The following APOLD1 variants were observed in gnomAD, a reference collection of about 807,000 sequenced individuals.
The protein encoded by APOLD1 is apolipoprotein L domain-containing protein 1.
In APOLD1, 22 loss-of-function variants were observed where a neutral mutation model predicts 15.3. That is an observed-to-expected ratio of 1.44 (90% confidence interval 1.03 to 2.05). The LOEUF (loss-of-function observed/expected upper bound fraction) is 2.05. APOLD1 is among the 30% of genes most tolerant of loss of function. APOLD1 has a pLI of 0.00. For missense variants in APOLD1, 394 were observed against 353.5 expected, an observed-to-expected ratio of 1.11 and a Z score of -0.92; for synonymous variants, 190 against 167.4, an observed-to-expected ratio of 1.13 and a Z score of -1.04.
At chr12:12,747,608 T>C (rs1946776453) in intron 1 of APOLD1, among the ~76,000 whole-genome samples, 1 of 152,202 alleles carries the variant, frequency 6.6e-6, no homozygotes, top group Admixed American at 6.5e-5. Context: ...TTAAACTGCA[T>C]CCTGCAACCC....
At chr12:12,764,722 C>T (rs1433555828) in intron 1 of APOLD1, 1 of 505,576 alleles carries the variant, frequency 2.0e-6, no homozygotes, top group Non-Finnish European at 4.1e-6. Context: ...AATGTTCCTT[C>T]TTTGCCACTC....
chr12:12,759,279 A>T (rs1355489339), intron 1 of APOLD1, among the ~76,000 whole-genome samples: 1 of 152,198 alleles, frequency 6.6e-6, no homozygotes, highest in African/African-American at 2.4e-5. Flanking sequence ...CATTATGAAC[A>T]CATGGATTTA....
Position 12,790,463 on chromosome 12 carries a change from A to C in APOLD1, c.*2811A>C, listed in dbSNP as rs1392111374. The C allele has an allele frequency of 6.6e-6, 1 of 152,258 alleles. No individual in the cohort carries two copies. The highest frequency in any genetic ancestry group is 1.5e-5 in the Non-Finnish European group (1 of 68,042). 9.4% of individuals were successfully genotyped at this position (152,258 alleles called of 1,614,324 possible). A position where few individuals can be genotyped will look rare whatever the true frequency, so the allele number is the denominator to read the frequency against. On this transcript the variant is annotated 3_prime_UTR_variant, in exon 2 of 2. Coordinates refer to ENST00000356591, the MANE Select transcript of APOLD1 (RefSeq NM_030817.3). ...CCATCTTTTATTAATGCTTAAGTTT[A>C]AATTATATTCTTCCAATGCCTAAGC... is the stretch of plus-strand genomic sequence containing the variant.
chr12:12,785,574 C>T, upstream of APOLD1: 2 of 1,599,058 alleles, frequency 1.3e-6, no homozygotes. Context: ...CAGGAAATGG[C>T]AAATTCTCAG....
intron 1 of APOLD1, among the ~76,000 whole-genome samples, chr12:12,754,553 G>A (rs183867342): frequency 2.0e-5 from 3 of 152,066 alleles, no homozygotes; most frequent in Non-Finnish European, 2.9e-5. Context: ...GGGCTGAAGC[G>A]ATTCTCCTGC....
chr12:12,785,292 G>A (rs1260171967), upstream of APOLD1, among the ~76,000 whole-genome samples: 1 of 152,100 alleles, frequency 6.6e-6, no homozygotes, highest in African/African-American at 2.4e-5. Context: ...TTTTGTAATG[G>A]TGGCCTCAAG....
At chr12:12,760,223 G>A (rs973867646) in intron 1 of APOLD1, among the ~76,000 whole-genome samples, 21 of 151,946 alleles carry the variant, frequency 1.4e-4, no homozygotes, top group African/African-American at 5.1e-4. Flanking sequence ...TTACTCAGGA[G>A]GCTGAGATGG....
Position 12,787,055 on chromosome 12 carries a change from G to T in APOLD1, c.150G>T (p.Arg50Ser). The T allele has an allele frequency of 7.3e-7, 1 of 1,377,748 alleles. No homozygotes were observed. The highest frequency in any genetic ancestry group is 9.3e-7 in the Non-Finnish European group (1 of 1,076,482). 85.3% of individuals were successfully genotyped at this position (1,377,748 alleles called of 1,614,324 possible). A position where few individuals can be genotyped will look rare whatever the true frequency, so the allele number is the denominator to read the frequency against. Reference sequence around the variant, plus strand: ...CCCGGCGCCTGGAGCGCCTGCGCAGGCGCTCCCTCGTAGCCAACGTGGCCG... The same window carrying T: ...CCCGGCGCCTGGAGCGCCTGCGCAGTCGCTCCCTCGTAGCCAACGTGGCCG... The part of the protein sequence containing the change: ...EVARRLERLR[R>S]RSLVANVAGS... The change falls in exon 2 of 2, where the codon AGG becomes AGT. Residue 50 changes from arginine to serine, a missense_variant. Physicochemically the swap from Arg to Ser is moderately radical, Grantham distance 110 (BLOSUM62 -1). Transcript: ENST00000356591. This position sits in a 1 kb window ranked among gnomAD's most constrained non-coding sequence, Gnocchi z 4.9.
chr12:12,759,447 A>G (rs1016931677), intron 1 of APOLD1, among the ~76,000 whole-genome samples: 1 of 152,158 alleles, frequency 6.6e-6, no homozygotes, highest in Non-Finnish European at 1.5e-5. Context: ...GCTATAAAGT[A>G]TATCACTGAC....
At chr12:12,754,292 T>C (rs1946839084) in intron 1 of APOLD1, among the ~76,000 whole-genome samples, 1 of 151,066 alleles carries the variant, frequency 6.6e-6, no homozygotes, top group Non-Finnish European at 1.5e-5. Context: ...TAACTCAGCC[T>C]CCCAAAGTGG....
chr12:12,754,520 G>T (rs994809146), intron 1 of APOLD1, among the ~76,000 whole-genome samples: 5 of 151,916 alleles, frequency 3.3e-5, no homozygotes, highest in Admixed American at 3.3e-4. Flanking sequence ...CACAATCTCG[G>T]CTCACTGCAA....
chr12:12,782,640 T>C (rs1947090407), upstream of APOLD1, among the ~76,000 whole-genome samples: 1 of 152,136 alleles, frequency 6.6e-6, no homozygotes, highest in African/African-American at 2.4e-5. Flanking sequence ...GCACTCCCAC[T>C]TGAGTGACAG....
intron 1 of APOLD1, among the ~76,000 whole-genome samples, chr12:12,758,211 C>T (rs571317630): frequency 6.6e-6 from 1 of 150,480 alleles, no homozygotes; most frequent in Non-Finnish European, 1.5e-5. Context: ...GCTGGGATTA[C>T]AGGTGTGAAC....
rs137883403 is a variant in APOLD1 at position 12,790,108 on chromosome 12, ATTC to A, written c.*2461_*2463del. 45,918 of 151,052 alleles carry A rather than the reference ATTC, an allele frequency of 0.3. 7,166 individuals are homozygous for A. Among genetic ancestry groups the A allele is most frequent in the East Asian group, 0.38 (1,958 of 5,092 alleles). 9.4% of individuals were successfully genotyped at this position (151,052 alleles called of 1,614,324 possible). On this transcript the variant is annotated 3_prime_UTR_variant, in exon 2 of 2. Transcript: ENST00000356591. ...AACCTCCGACTCCTGGGTTCAAGCAATTCTTCTGCCTCAGCCTCCTGAGTAGCT... is the reference window on the plus strand; with the variant it reads ...AACCTCCGACTCCTGGGTTCAAGCAATTCTGCCTCAGCCTCCTGAGTAGCT...
At chr12:12,729,690 T>C (rs1946621401) in intron 1 of APOLD1, among the ~76,000 whole-genome samples, 1 of 151,826 alleles carries the variant, frequency 6.6e-6, no homozygotes, top group South Asian at 2.1e-4. Context: ...ATCCCAGGAG[T>C]TCAGGGCCGC....
chr12:12,762,285 G>T (rs1360726286), intron 1 of APOLD1, among the ~76,000 whole-genome samples: 1 of 152,134 alleles, frequency 6.6e-6, no homozygotes, highest in Non-Finnish European at 1.5e-5. Context: ...GACAGCCACT[G>T]CAAAAGACAG....
chr12:12,772,437 A>G (rs944490044), intron 1 of APOLD1, among the ~76,000 whole-genome samples: 2 of 152,240 alleles, frequency 1.3e-5, no homozygotes, highest in African/African-American at 4.8e-5. Flanking sequence ...AGACATAACA[A>G]TCCTTTACCC....
Position 12,736,351 on chromosome 12 carries a change from C to CA in APOLD1, c.96+10263dup, listed in dbSNP as rs1555087978. Among the ~76,000 whole-genome samples the CA allele has an allele frequency of 9.4e-3, 986 of 104,812 alleles. 14 individuals carry two copies. Among genetic ancestry groups the CA allele is most frequent in the African/African-American group, 0.034 (935 of 27,260 alleles). The allele number at this position is 104,812 out of a possible 152,430, so 68.8% of individuals were successfully genotyped here. A position where few individuals can be genotyped will look rare whatever the true frequency, so the allele number is the denominator to read the frequency against. ...GGGCAATAAGAGTGAGAGTCTGTCT[C>CA]AAAAAAAACAAAACAAAACAAAAAA... On this transcript the variant is annotated intron_variant, in intron 1 of 1. Coordinates refer to the APOLD1 transcript ENST00000326765.
At chr12:12,774,158 C>T (rs1679813015) in intron 1 of APOLD1, among the ~76,000 whole-genome samples, 1 of 152,040 alleles carries the variant, frequency 6.6e-6, no homozygotes, top group African/African-American at 2.4e-5. Flanking sequence ...AAAGGCAAGC[C>T]ACAGACTGGA....
Sources: allele counts gnomAD v4.1 joint callset (sites outside exome capture counted in the v4.1 genomes callset), GRCh38; gene constraint gnomAD v4.1.1; non-coding constraint Gnocchi (gnomAD v3.1); transcripts MANE v1.5; gene names NCBI Gene and HGNC (gene_info 2026-07-23, HGNC 2026-07-21).